The following TEX26 variants were observed in gnomAD, a reference collection of about 807,000 sequenced individuals.
TEX26 encodes the protein testis-expressed protein 26.
In TEX26, 34 loss-of-function variants were observed where a neutral mutation model predicts 35.3. That is an observed-to-expected ratio of 0.96 (90% CI 0.73 to 1.28). The LOEUF (loss-of-function observed/expected upper bound fraction) is 1.28, where lower values mean the gene tolerates loss of function less well. Among genes scored for constraint, TEX26 ranks in the 50% most tolerant of loss-of-function variants. The pLI, the probability that TEX26 is intolerant of heterozygous loss-of-function variation, is 0.00. For missense variants in TEX26, 371 were observed against 330.1 expected, an observed-to-expected ratio of 1.12 and a Z score of -0.96; for synonymous variants, 136 against 111.8, an observed-to-expected ratio of 1.22 and a Z score of -1.36.
chr13:30,949,797 C>T (rs923999378), intron 2 of TEX26, among the ~76,000 whole-genome samples: 1 of 151,896 alleles, frequency 6.6e-6, no homozygotes, highest in Non-Finnish European at 1.5e-5. Flanking sequence ...GATTAAATAC[C>T]AATCACGTAT....
chr13:30,965,021 A>G (rs1168377078), intron 4 of TEX26, among the ~76,000 whole-genome samples: 1 of 152,206 alleles, frequency 6.6e-6, no homozygotes, highest in Non-Finnish European at 1.5e-5. Flanking sequence ...TTACAGGAAC[A>G]GTACCAGATG....
chr13:30,945,929 C>T (rs529805268), intron 2 of TEX26, among the ~76,000 whole-genome samples: 5 of 151,798 alleles, frequency 3.3e-5, no homozygotes, highest in East Asian at 1.9e-4. Flanking sequence ...TGACTATAGG[C>T]GTTGGTAAAG....
intron 2 of TEX26, among the ~76,000 whole-genome samples, chr13:30,950,087 C>G (rs978207771): frequency 1.3e-5 from 2 of 152,050 alleles, no homozygotes; most frequent in Non-Finnish European, 2.9e-5. Flanking sequence ...TCAGTTTTAT[C>G]CAGTGAATCT....
At chr13:30,944,073 T>A (rs998184168) in intron 2 of TEX26, among the ~76,000 whole-genome samples, 2 of 151,988 alleles carry the variant, frequency 1.3e-5, no homozygotes, top group African/African-American at 4.8e-5. Context: ...CAGCTGTGAA[T>A]CCATCTGGCC....
At chr13:30,956,728 T>G (rs1954145575) in intron 3 of TEX26, 145 bp from the exon 4 acceptor site, 1 of 683,650 alleles carries the variant, frequency 1.5e-6, no homozygotes, top group Non-Finnish European at 2.5e-6. Flanking sequence ...ATGTCTCCTG[T>G]TGACGGGCTC....
At chr13:30,954,222 C>G (rs1954036853) in intron 3 of TEX26, among the ~76,000 whole-genome samples, 1 of 146,980 alleles carries the variant, frequency 6.8e-6, no homozygotes, top group Admixed American at 6.9e-5. Flanking sequence ...CTTGTGATAT[C>G]CATTCATTGT....
intron 5 of TEX26, among the ~76,000 whole-genome samples, chr13:30,968,308 C>A (rs746463344): frequency 1.3e-5 from 2 of 152,074 alleles, no homozygotes; most frequent in South Asian, 4.2e-4. Context: ...GTGGTAGCAG[C>A]CCCCAGAGAG....
chr13:30,945,853 T>C (rs1953688703), intron 2 of TEX26, among the ~76,000 whole-genome samples: 1 of 151,882 alleles, frequency 6.6e-6, no homozygotes. Flanking sequence ...TTTTAATAGG[T>C]TACCTGATGC....
intron 3 of TEX26, among the ~76,000 whole-genome samples, chr13:30,953,834 G>C (rs1246578792): frequency 6.6e-6 from 1 of 152,182 alleles, no homozygotes; most frequent in African/African-American, 2.4e-5. Flanking sequence ...TCATTTGCTT[G>C]ACTGCCACAT....
chr13:30,936,356 T>C (rs1021982141), intron 1 of TEX26, among the ~76,000 whole-genome samples: 1 of 152,218 alleles, frequency 6.6e-6, no homozygotes, highest in Non-Finnish European at 1.5e-5. Flanking sequence ...ATCTTTCCCT[T>C]TGCTCCATTC....
At position 30,939,684 on chromosome 13, in the gene TEX26, G is replaced by C. The variant is rs748920999; in HGVS notation, c.62-10G>C. On this transcript the variant is annotated splice_polypyrimidine_tract_variant and intron_variant, in intron 1 of 6. Coordinates refer to ENST00000380473, the MANE Select transcript of TEX26 (RefSeq NM_152325.3). ...TTGCCATATTTAAAACTGCTTTATTGTACTTTTAGCAGATGACCCCAACTG... is the reference window on the plus strand; with the variant it reads ...TTGCCATATTTAAAACTGCTTTATTCTACTTTTAGCAGATGACCCCAACTG... 1.5e-5 allele frequency: 24 copies of C among 1,610,746 alleles called. 1 individual carries two copies. The South Asian group carries it at 2.4e-4, about 16-fold the overall frequency.
chr13:30,939,756 G>T lies in TEX26; in HGVS notation c.124G>T (p.Gly42Ter). The change falls in exon 2 of 7, where the codon GGA becomes TGA. Residue 42 changes from glycine (G) to a stop codon, truncating the protein, a stop_gained. Coordinates refer to ENST00000380473, the MANE Select transcript of TEX26 (RefSeq NM_152325.3). LOFTEE classifies it high-confidence loss of function. The part of the protein sequence containing the change: ...TMRTAFTPKT[G>*]AVPALIRQNG... ...GAGGACTGCATTCACGCCTAAAACA[G>T]GAGCAGTGCCTGCCTTAATTCGGTA... 1 of 1,614,020 alleles carries T rather than the reference G, an allele frequency of 6.2e-7. No individual in the cohort carries two copies. Among genetic ancestry groups the T allele is most frequent in the Admixed American group, 1.7e-5 (1 of 60,024 alleles).
chr13:30,958,737 A>G (rs1002068609), intron 4 of TEX26, among the ~76,000 whole-genome samples: 1 of 152,040 alleles, frequency 6.6e-6, no homozygotes, highest in Non-Finnish European at 1.5e-5. Context: ...TCATCCCTCC[A>G]TCTCTAAAGT....
At chr13:30,970,695 C>A (rs1954684789) in intron 6 of TEX26, among the ~76,000 whole-genome samples, 1 of 152,206 alleles carries the variant, frequency 6.6e-6, no homozygotes, top group South Asian at 2.1e-4. Context: ...GCTGTCATTT[C>A]TCTGCCTTCA....
chr13:30,937,287 G>A (rs1953308189), intron 1 of TEX26, among the ~76,000 whole-genome samples: 1 of 152,208 alleles, frequency 6.6e-6, no homozygotes, highest in African/African-American at 2.4e-5. Flanking sequence ...AACACAGAGG[G>A]GCGTGTCGTG....
At chr13:30,972,321 C>T (rs1246043810) in intron 6 of TEX26, among the ~76,000 whole-genome samples, 1 of 152,202 alleles carries the variant, frequency 6.6e-6, no homozygotes, top group Non-Finnish European at 1.5e-5. Flanking sequence ...TATCATTTGA[C>T]TTACAACTGG....
At chr13:30,971,820 T>C (rs1954721586) in intron 6 of TEX26, among the ~76,000 whole-genome samples, 1 of 152,220 alleles carries the variant, frequency 6.6e-6, no homozygotes, top group African/African-American at 2.4e-5. Flanking sequence ...TCAGTCCACT[T>C]TTCCCCTAGT....
chr13:30,964,714 T>C (rs567307772), intron 4 of TEX26, among the ~76,000 whole-genome samples: 1 of 152,326 alleles, frequency 6.6e-6, no homozygotes, highest in South Asian at 2.1e-4. Flanking sequence ...GCCAAGAGCA[T>C]AGTACTGGCA....
At chr13:30,932,939 C>A (rs113380001) in intron 1 of TEX26, 163 bp downstream of exon 1, 9,370 of 674,600 alleles carry the variant, frequency 0.014, 110 homozygotes, top group African/African-American at 0.044. Flanking sequence ...ATGACAGGGC[C>A]TTCATGACGC....
Sources: allele counts gnomAD v4.1 joint callset (sites outside exome capture counted in the v4.1 genomes callset), GRCh38; gene constraint gnomAD v4.1.1; transcripts MANE v1.5; gene names NCBI Gene and HGNC (gene_info 2026-07-23, HGNC 2026-07-21).